PTPRT: variants seen among roughly 807,000 people sequenced by gnomAD.
The protein encoded by PTPRT is receptor-type tyrosine-protein phosphatase T.
A neutral mutation model predicts 176.8 loss-of-function variants in PTPRT; 56 were observed. The observed-to-expected ratio is 0.32, with a 90% confidence interval of 0.26 to 0.40. PTPRT has a LOEUF of 0.40. Among genes scored for constraint, PTPRT ranks in the 10% least tolerant of loss-of-function variants. The pLI is 1.00. For missense variants in PTPRT, 1,540 were observed against 1,908.2 expected (o/e 0.81, Z 3.60); for synonymous variants, 783 against 739.0 (o/e 1.06, Z -0.96).
chr20:42,785,142 G>A (rs536196786), intron 3 of PTPRT, among the ~76,000 whole-genome samples: 90 of 152,226 alleles, frequency 5.9e-4, no homozygotes, highest in Non-Finnish European at 9.9e-4. Context: ...ATTAATATTT[G>A]TCAATTAAAA....
intron 1 of PTPRT, among the ~76,000 whole-genome samples, chr20:43,139,587 G>A (rs930802726): frequency 1.3e-5 from 2 of 152,160 alleles, no homozygotes; most frequent in South Asian, 2.1e-4. Context: ...CCCGTCCCTC[G>A]ACAGCAACAG....
chr20:42,818,133 C>A (rs571032182), intron 2 of PTPRT, among the ~76,000 whole-genome samples: 1 of 152,236 alleles, frequency 6.6e-6, no homozygotes, highest in Non-Finnish European at 1.5e-5. Context: ...CAGTCTGGTG[C>A]CCCTCGAGGT....
At chr20:42,309,693 A>G (rs1353746128) in intron 12 of PTPRT, among the ~76,000 whole-genome samples, 1 of 152,226 alleles carries the variant, frequency 6.6e-6, no homozygotes, top group Non-Finnish European at 1.5e-5. Flanking sequence ...AGATTCATAG[A>G]CAACAAGAAA....
chr20:43,185,524 A>G (rs926288), intron 1 of PTPRT, among the ~76,000 whole-genome samples: 98,266 of 152,124 alleles, frequency 0.65, 34,978 homozygotes, highest in Non-Finnish European at 0.8. Context: ...AAAAGTCAAC[A>G]TTCCCTATTT....
At chr20:42,062,718 C>T in the PTPRT span, among the ~76,000 whole-genome samples, 1 of 152,216 alleles carries the variant, frequency 6.6e-6, no homozygotes, top group Non-Finnish European at 1.5e-5. Context: ...ACTCATGGGC[C>T]CTTCCCTAGC....
Position 42,278,603 on chromosome 20 carries a change from A to G in PTPRT, c.2176+3886T>C, listed in dbSNP as rs3892778. ...CAGTGGGTAAGAGAACTTGGATGGA[A>G]CTGGGCATCAGTTTCTCAAAGGGGG... On this transcript the variant is annotated intron_variant, in intron 13 of 30. Transcript: ENST00000373187. 1.0e-2 allele frequency among the ~76,000 whole-genome samples: 1,519 copies of G among 152,198 alleles called. 78 individuals carry two copies. The East Asian group carries it at 0.16, about 16-fold the overall frequency.
intron 13 of PTPRT, among the ~76,000 whole-genome samples, chr20:42,257,149 C>T (rs894030621): frequency 6.6e-6 from 1 of 152,214 alleles, no homozygotes; most frequent in Non-Finnish European, 1.5e-5. Flanking sequence ...AGCCTCACCT[C>T]TCTTTGCCAC....
chr20:42,971,872 G>A (rs1483388173), intron 1 of PTPRT, among the ~76,000 whole-genome samples: 1 of 152,052 alleles, frequency 6.6e-6, no homozygotes, highest in African/African-American at 2.4e-5. Flanking sequence ...TATGAGGTAA[G>A]CACTGTTCTG....
At chr20:42,176,453 G>A (rs16986625) in intron 16 of PTPRT, among the ~76,000 whole-genome samples, 2 of 152,172 alleles carry the variant, frequency 1.3e-5, no homozygotes, top group Non-Finnish European at 2.9e-5. Flanking sequence ...CAGCTTCACT[G>A]TGGCTCCAGG....
In PTPRT at chr20:42,957,155, G is replaced by T. The variant is rs188201456; in HGVS notation, c.89-71223C>A. ...GCCCTGAGCATGCCGGAACTCCCCA[G>T]CTCATTTGATAGGGAAAAATCGAAA... On this transcript the variant is annotated intron_variant, in intron 1 of 30. Transcript: ENST00000373187. Among the ~76,000 whole-genome samples the T allele has an allele frequency of 6.6e-5, 10 of 152,220 alleles. No individual in the cohort carries two copies. In the East Asian group the frequency reaches 1.9e-3, roughly 29 times the overall value.
chr20:42,286,632 A>G (rs1209448615), intron 12 of PTPRT, among the ~76,000 whole-genome samples: 9 of 151,912 alleles, frequency 5.9e-5, no homozygotes, highest in African/African-American at 2.2e-4. Context: ...TAAAACTACT[A>G]GAAGAAAACA....
intron 14 of PTPRT, among the ~76,000 whole-genome samples, chr20:42,247,832 C>T (rs755445508): frequency 5.3e-5 from 8 of 152,014 alleles, no homozygotes; most frequent in Admixed American, 2.6e-4. Context: ...AGGAGAGGGG[C>T]GAGTAAGACT....
At chr20:42,104,153 C>T (rs561063643) in intron 25 of PTPRT, among the ~76,000 whole-genome samples, 4 of 152,206 alleles carry the variant, frequency 2.6e-5, no homozygotes, top group East Asian at 1.9e-4. Flanking sequence ...CCCTCATGAA[C>T]GGGATTAGTG....
At chr20:42,293,662 T>C (rs1451201464) in intron 12 of PTPRT, among the ~76,000 whole-genome samples, 1 of 152,206 alleles carries the variant, frequency 6.6e-6, no homozygotes, top group African/African-American at 2.4e-5. Flanking sequence ...TCCAGGCTCA[T>C]CTATCCATCT....
intron 2 of PTPRT, among the ~76,000 whole-genome samples, chr20:42,834,921 A>G (rs1264549694): frequency 1.3e-5 from 2 of 152,226 alleles, no homozygotes; most frequent in Non-Finnish European, 2.9e-5. Context: ...AATCAAATGT[A>G]AGGATAACAT....
intron 6 of PTPRT, among the ~76,000 whole-genome samples, chr20:42,693,671 T>A (rs1198630945): frequency 2.6e-5 from 4 of 152,144 alleles, no homozygotes; most frequent in African/African-American, 9.7e-5. Context: ...AAAAATAACC[T>A]TCAACATTGT....
At chr20:43,091,067 C>T (rs182640324) in intron 1 of PTPRT, among the ~76,000 whole-genome samples, 249 of 152,230 alleles carry the variant, frequency 1.6e-3, no homozygotes, top group Non-Finnish European at 9.1e-4. Flanking sequence ...CCCATCTCTA[C>T]TAAAAATACA....
chr20:42,890,313 T>C (rs1408618469), intron 1 of PTPRT, among the ~76,000 whole-genome samples: 2 of 152,126 alleles, frequency 1.3e-5, no homozygotes, highest in Non-Finnish European at 2.9e-5. Context: ...GTCTCCCACA[T>C]TGAGAAACAG....
chr20:42,550,625 C>T (rs191226239), intron 7 of PTPRT, among the ~76,000 whole-genome samples: 1 of 152,064 alleles, frequency 6.6e-6, no homozygotes, highest in South Asian at 2.1e-4. Flanking sequence ...TACAAAGGAA[C>T]CACTTTGGCT....
Sources: gnomAD v4.1 joint callset for allele counts (sites outside exome capture counted in the v4.1 genomes callset) on GRCh38, gnomAD v4.1.1 for gene constraint, MANE v1.5 for transcripts, NCBI Gene and HGNC (gene_info 2026-07-23, HGNC 2026-07-21) for gene names.